Variants in TBXAS1 observed in about 807,000 individuals in gnomAD.
The protein encoded by TBXAS1 is thromboxane A synthase 1, also known as thromboxane-A synthase.
TBXAS1 carries 48 observed loss-of-function variants against 60.7 expected under a neutral mutation model. That is an observed-to-expected ratio of 0.79 (90% confidence interval 0.63 to 1.01). The LOEUF is 1.01. Ranked by LOEUF, TBXAS1 falls within the 50% of genes least tolerant of loss-of-function variation. The pLI is 0.00. For missense variants in TBXAS1, 685 were observed against 686.3 expected (o/e 1.00, Z 0.02); for synonymous variants, 287 against 269.7 (o/e 1.06, Z -0.63).
chr7:139,977,475 G>A (rs1811649648), intron 9 of TBXAS1, among the ~76,000 whole-genome samples: 1 of 152,138 alleles, frequency 6.6e-6, no homozygotes, highest in Non-Finnish European at 1.5e-5. Context: ...GGAATTGTGG[G>A]AGTTAAAATT....
chr7:139,870,915 C>A (rs906546927), intron 1 of TBXAS1, among the ~76,000 whole-genome samples: 9 of 152,176 alleles, frequency 5.9e-5, no homozygotes, highest in African/African-American at 2.2e-4. Context: ...TAGGGAGACC[C>A]TGTCTCTACA....
At chr7:139,799,411 A>G (rs1797658020) in intron 4 of TBXAS1, among the ~76,000 whole-genome samples, 1 of 151,946 alleles carries the variant, frequency 6.6e-6, no homozygotes, top group Non-Finnish European at 1.5e-5. Flanking sequence ...TTTGTATTCT[A>G]GTAGAGATGG....
intron 10 of TBXAS1, among the ~76,000 whole-genome samples, chr7:140,015,109 G>A (rs1440290268): frequency 1.3e-5 from 2 of 152,120 alleles, no homozygotes; most frequent in Non-Finnish European, 2.9e-5. Flanking sequence ...AAATGTGCAA[G>A]AGGAAGACAA....
At chr7:139,908,220 A>G (rs78819157) in intron 3 of TBXAS1, among the ~76,000 whole-genome samples, 16,295 of 149,866 alleles carry the variant, frequency 0.11, 1,091 homozygotes, top group Admixed American at 0.18. Context: ...TTCTTTTTCT[A>G]GTTTCTTGAG....
intron 4 of TBXAS1, among the ~76,000 whole-genome samples, chr7:139,802,748 C>T (rs769411181): frequency 6.6e-6 from 1 of 152,154 alleles, no homozygotes; most frequent in African/African-American, 2.4e-5. Flanking sequence ...CACTCCACTG[C>T]ACTCCAGTCT....
intron 1 of TBXAS1, among the ~76,000 whole-genome samples, chr7:139,854,364 A>G (rs1258146849): frequency 1.3e-5 from 2 of 152,176 alleles, no homozygotes; most frequent in Non-Finnish European, 2.9e-5. Flanking sequence ...TGGCCGGATC[A>G]CCAAAGACCC....
chr7:139,960,917 T>C (rs984136322), intron 8 of TBXAS1, among the ~76,000 whole-genome samples: 2 of 152,148 alleles, frequency 1.3e-5, no homozygotes, highest in African/African-American at 2.4e-5. Flanking sequence ...TCCCATAAAC[T>C]TCAGAAAATG....
intron 3 of TBXAS1, among the ~76,000 whole-genome samples, chr7:139,901,301 G>A (rs1160205206): frequency 1.4e-5 from 2 of 139,382 alleles, no homozygotes; most frequent in African/African-American, 5.4e-5. Flanking sequence ...TTGCAAAATT[G>A]TTTTTAGCAT....
chr7:139,979,538 C>T (rs1442582829), intron 9 of TBXAS1, among the ~76,000 whole-genome samples: 1 of 151,782 alleles, frequency 6.6e-6, no homozygotes, highest in Non-Finnish European at 1.5e-5. Context: ...ACCAGCCTGA[C>T]CAATACGGTG....
rs528495847 is a variant in TBXAS1 at position 139,785,087 on chromosome 7, A to G, written c.-168-2251A>G. Among the ~76,000 whole-genome samples, 29 of 152,254 alleles carry G rather than the reference A, an allele frequency of 1.9e-4. No homozygotes were observed. The South Asian group carries it at 6.0e-3, about 32-fold the overall frequency. ...GCATTTTGAATTTACTCCCTAGGGGATACATTTACACAAAGCAGTTCCATA... is the reference window on the plus strand; with the variant it reads ...GCATTTTGAATTTACTCCCTAGGGGGTACATTTACACAAAGCAGTTCCATA... On this transcript the variant is annotated intron_variant, in intron 3 of 16. Transcript: ENST00000336425.
chr7:139,871,194 T>G (rs1801799849), intron 1 of TBXAS1, among the ~76,000 whole-genome samples: 1 of 152,208 alleles, frequency 6.6e-6, no homozygotes, highest in Non-Finnish European at 1.5e-5. Context: ...GTGGGAAAGA[T>G]CAAAGAGTAT....
intron 3 of TBXAS1, among the ~76,000 whole-genome samples, chr7:139,890,003 C>T (rs1465181988): frequency 4.6e-5 from 7 of 152,054 alleles, no homozygotes; most frequent in Admixed American, 3.3e-4. Context: ...GCCTGGAATC[C>T]GGAATCTCCA....
chr7:139,796,981 A>G (rs1797587909), intron 4 of TBXAS1, among the ~76,000 whole-genome samples: 2 of 152,186 alleles, frequency 1.3e-5, no homozygotes, highest in Non-Finnish European at 2.9e-5. Context: ...CACAATGTCC[A>G]TTTTTAAATG....
intron 3 of TBXAS1, among the ~76,000 whole-genome samples, chr7:139,784,127 TCCTG>T (rs58521433): frequency 3.7e-4 from 56 of 149,912 alleles, no homozygotes; most frequent in South Asian, 1.5e-3. Flanking sequence ...CTTCCTGCCT[TCCTG>T]CCTGCCTGCC....
chr7:139,920,904 T>C (rs1806416954), intron 4 of TBXAS1, among the ~76,000 whole-genome samples: 1 of 152,174 alleles, frequency 6.6e-6, no homozygotes, highest in South Asian at 2.1e-4. Context: ...GTGTGCTCAA[T>C]GAAGGTTCCC....
Position 139,868,576 on chromosome 7 carries a change from T to TCCC in TBXAS1, c.90-3659_90-3658insCCC, listed in dbSNP as rs1569504370. On this transcript the variant is annotated intron_variant, in intron 1 of 12. Transcript: ENST00000448866. ...GTAGCTCATTGTAGCCTCAAACTCCTGAGCTCAAGTGATCCTCCCATCCCA... is the reference window on the plus strand; with the variant it reads ...GTAGCTCATTGTAGCCTCAAACTCCTCCCGAGCTCAAGTGATCCTCCCATCCCA... 1.5e-4 allele frequency among the ~76,000 whole-genome samples: 22 copies of TCCC among 151,642 alleles called. No homozygotes were observed. In the East Asian group the frequency reaches 4.1e-3, roughly 28 times the overall value.
At position 139,896,007 on chromosome 7, in the gene TBXAS1, T is replaced by C. The variant is rs1305120246; in HGVS notation, c.237-15218T>C. Among the ~76,000 whole-genome samples, 1 of 152,204 alleles carries C rather than the reference T, an allele frequency of 6.6e-6. No individual in the cohort carries two copies. The highest frequency in any genetic ancestry group is 2.4e-5 in the African/African-American group (1 of 41,450). On this transcript the variant is annotated intron_variant, in intron 3 of 12. Transcript: ENST00000448866. This position sits in a 1 kb window ranked among gnomAD's most constrained non-coding sequence, Gnocchi z 4.0. ...AAAAAGGATTCTGAGGTTTCAAGTC[T>C]GGCTTCAGAGTTGAAAGCTCCTTCT...
At chr7:140,007,237 G>T in intron 10 of TBXAS1, 55 bp downstream of exon 10, 1 of 1,531,690 alleles carries the variant, frequency 6.5e-7, no homozygotes, top group Non-Finnish European at 9.0e-7. Flanking sequence ...CCTACCCCCT[G>T]CCCCAGCCTG....
At chr7:139,897,951 C>T (rs554990970) in intron 3 of TBXAS1, among the ~76,000 whole-genome samples, 83 of 152,244 alleles carry the variant, frequency 5.5e-4, no homozygotes, top group African/African-American at 2.0e-3. Context: ...TAATGACAGA[C>T]GGGAGAGCTG....
Sources: gnomAD v4.1 joint callset for allele counts (sites outside exome capture counted in the v4.1 genomes callset) on GRCh38, gnomAD v4.1.1 for gene constraint, Gnocchi (gnomAD v3.1) non-coding constraint, MANE v1.5 for transcripts, NCBI Gene and HGNC (gene_info 2026-07-23, HGNC 2026-07-21) for gene names.